The following PCDHGA1 variants were observed in gnomAD, a reference collection of about 807,000 sequenced individuals.
PCDHGA1 encodes protocadherin gamma subfamily A, 1.
PCDHGA1 carries 32 observed loss-of-function variants against 58.0 expected under a neutral mutation model. The observed-to-expected ratio is 0.55, with a 90% CI of 0.42 to 0.74. The LOEUF (loss-of-function observed/expected upper bound fraction) is 0.74, where lower values mean the gene tolerates loss of function less well. PCDHGA1 is among the 30% of genes least tolerant of loss of function. PCDHGA1 has a pLI of 0.00. For missense variants in PCDHGA1, 1,205 were observed against 1,182.3 expected (o/e 1.02, Z -0.28); for synonymous variants, 498 against 501.1 (o/e 0.99, Z 0.08).
rs372458558 is a variant in PCDHGA1, at chr5:141,384,112, G to A, written c.2421+51007G>A. On this transcript the variant is annotated intron_variant, in intron 1 of 3. Transcript: ENST00000517417. ...ATCAATAGATAATTATTATAGATTG[G>A]TCACAACCAAAAACTTGGACCGGGA... The A allele has an allele frequency of 8.1e-6, 13 of 1,605,274 alleles. No individual in the cohort carries two copies. The South Asian group carries it at 8.9e-5, about 11-fold the overall frequency.
At chr5:141,364,276 T>C (rs1045557569) in intron 1 of PCDHGA1, 1 of 1,515,100 alleles carries the variant, frequency 6.6e-7, no homozygotes, top group Middle Eastern at 1.8e-4. Flanking sequence ...TTTAGATAAA[T>C]AAGGAAACAG....
At chr5:141,499,007 AG>A (rs2099788320) in intron 2 of PCDHGA1, among the ~76,000 whole-genome samples, 1 of 151,128 alleles carries the variant, frequency 6.6e-6, no homozygotes, top group Non-Finnish European at 1.5e-5. Flanking sequence ...GAAGGAAGGA[AG>A]GAAGGAAGGA....
intron 1 of PCDHGA1, chr5:141,385,038 G>C (rs377185831): frequency 4.3e-6 from 7 of 1,614,138 alleles, no homozygotes; most frequent in Non-Finnish European, 5.9e-6. Flanking sequence ...TACTGCTGGC[G>C]CTCAGGCTGC....
rs1355278714 is a variant in PCDHGA1 at position 141,398,651 on chromosome 5, A to G, written c.2421+65546A>G. 10 of 1,613,998 alleles carry G rather than the reference A, an allele frequency of 6.2e-6. No homozygotes were observed. The South Asian group carries it at 1.1e-4, about 18-fold the overall frequency. On this transcript the variant is annotated intron_variant, in intron 1 of 3. Coordinates refer to ENST00000517417, the MANE Select transcript of PCDHGA1 (RefSeq NM_018912.3). ...CTGCAGAAGTATAAACTCTCTCTTA[A>G]CCCAAGTTTCTCATTAATAATTAAG... is the stretch of plus-strand genomic sequence containing the variant.
At chr5:141,467,649 T>C (rs2099147987) in intron 1 of PCDHGA1, among the ~76,000 whole-genome samples, 1 of 152,146 alleles carries the variant, frequency 6.6e-6, no homozygotes, top group Non-Finnish European at 1.5e-5. Flanking sequence ...TGTACCAAAC[T>C]TCTATAGTGC....
At chr5:141,390,233 T>C (rs1388812754) in intron 1 of PCDHGA1, 1 of 1,614,068 alleles carries the variant, frequency 6.2e-7, no homozygotes, top group Non-Finnish European at 8.5e-7. Flanking sequence ...GTGATTCATC[T>C]GGGGCCTTAT....
intron 1 of PCDHGA1, chr5:141,376,356 CA>C (rs1259525756): frequency 2.5e-6 from 4 of 1,614,228 alleles, no homozygotes; most frequent in Non-Finnish European, 1.7e-6. Context: ...CACGAGGTCT[CA>C]CTCACTGCAG....
intron 1 of PCDHGA1, chr5:141,384,712 T>C (rs1479257673): frequency 6.2e-7 from 1 of 1,614,074 alleles, no homozygotes; most frequent in Admixed American, 1.7e-5. Flanking sequence ...CGCCTGGCTG[T>C]CATACCTCCT....
chr5:141,409,748 G>C, intron 1 of PCDHGA1: 2 of 1,613,018 alleles, frequency 1.2e-6, no homozygotes, highest in South Asian at 2.2e-5. Context: ...GGTGGTGTTC[G>C]CGCAGCGCGC....
chr5:141,365,732 G>A (rs780327572), intron 1 of PCDHGA1: 2 of 1,613,574 alleles, frequency 1.2e-6, no homozygotes, highest in Non-Finnish European at 8.5e-7. Flanking sequence ...CAATCCCAGA[G>A]GTGTCTCTAT....
chr5:141,453,669 G>T (rs1390396079), intron 1 of PCDHGA1, among the ~76,000 whole-genome samples: 1 of 152,034 alleles, frequency 6.6e-6, no homozygotes, highest in Non-Finnish European at 1.5e-5. Context: ...TTACACAAAA[G>T]GTAACACACT....
At chr5:141,381,826 C>CTTTTTTTTTTTTTTTTTTTTTT (rs770630741) in intron 1 of PCDHGA1, among the ~76,000 whole-genome samples, 11 of 74,280 alleles carry the variant, frequency 1.5e-4, no homozygotes, top group South Asian at 5.1e-4. Flanking sequence ...CTTTCTTCTT[C>CTTTTTTTTTTTTTTTTTTTTTT]TTTTTTTTTT....
At chr5:141,508,535 C>CA (rs1426956469) in intron 3 of PCDHGA1, among the ~76,000 whole-genome samples, 1 of 152,172 alleles carries the variant, frequency 6.6e-6, no homozygotes, top group Admixed American at 6.5e-5. Flanking sequence ...GGGCACCCCC[C>CA]ACGAGGTGGG....
At position 141,489,074 on chromosome 5, in the gene PCDHGA1, C is replaced by A; in HGVS notation, c.2422-5733C>A. On this transcript the variant is annotated intron_variant, in intron 1 of 3. Coordinates refer to ENST00000517417, the MANE Select transcript of PCDHGA1 (RefSeq NM_018912.3). The surrounding 1 kb of genome is among the most constrained non-coding windows in gnomAD (Gnocchi z 4.5). ...TTCAGCTCCCCTCCCCCCTGCCCAC[C>A]CCCGCCACTCGGTGACTAAGAACTG... 9.4e-6 allele frequency: 3 copies of A among 320,798 alleles called. No individual in the cohort carries two copies. The highest frequency in any genetic ancestry group is 1.7e-5 in the Non-Finnish European group (3 of 177,744). 19.9% of individuals were successfully genotyped at this position (320,798 alleles called of 1,614,324 possible). A position where few individuals can be genotyped will look rare whatever the true frequency, so the allele number is the denominator to read the frequency against.
chr5:141,409,805 C>T lies in PCDHGA1; in HGVS notation c.2421+76700C>T, dbSNP rs751397816. 8 of 1,611,512 alleles carry T rather than the reference C, an allele frequency of 5.0e-6. No individual in the cohort carries two copies. The African/African-American group carries it at 5.3e-5, about 11-fold the overall frequency. ...CGCCTTCGCGCTCACGCTGCAGGCC[C>T]GCGACCACGGCTCGCCCACGCTCAG... is the stretch of plus-strand genomic sequence containing the variant. On this transcript the variant is annotated intron_variant, in intron 1 of 3. Coordinates refer to ENST00000517417, the MANE Select transcript of PCDHGA1 (RefSeq NM_018912.3).
chr5:141,352,024 G>A lies in PCDHGA1; in HGVS notation c.2421+18919G>A, dbSNP rs756674357. ...CCGGCTACCTGGTGACCAAGGTGGT[G>A]GCGGTGGACGCAGACTCAGGACACA... On this transcript the variant is annotated intron_variant, in intron 1 of 3. Coordinates refer to ENST00000517417, the MANE Select transcript of PCDHGA1 (RefSeq NM_018912.3). 7.5e-6 allele frequency: 12 copies of A among 1,609,274 alleles called. No individual in the cohort carries two copies. The Admixed American group carries it at 1.5e-4, about 20-fold the overall frequency.
At chr5:141,427,426 C>G (rs569185252) in intron 1 of PCDHGA1, 1 of 469,896 alleles carries the variant, frequency 2.1e-6, no homozygotes, top group Admixed American at 2.3e-5. Flanking sequence ...GGGGAGGTTA[C>G]ATGCCTCATA....
chr5:141,415,408 G>T, intron 1 of PCDHGA1: 1 of 1,614,224 alleles, frequency 6.2e-7, no homozygotes, highest in Non-Finnish European at 8.5e-7. Context: ...CTCGCACTTT[G>T]TGGGCGTGGA....
intron 1 of PCDHGA1, chr5:141,360,515 A>G (rs761181928): frequency 6.2e-7 from 1 of 1,613,898 alleles, no homozygotes. Flanking sequence ...CAGGATATAA[A>G]TGATAATACC....
Sources: allele counts gnomAD v4.1 joint callset (sites outside exome capture counted in the v4.1 genomes callset), GRCh38; gene constraint gnomAD v4.1.1; non-coding constraint Gnocchi (gnomAD v3.1); transcripts MANE v1.5; gene names NCBI Gene and HGNC (gene_info 2026-07-23, HGNC 2026-07-21).